AKAP5: variants seen among roughly 807,000 people sequenced by gnomAD.
The protein encoded by AKAP5 is A-kinase anchor protein 5.
In AKAP5, 5 loss-of-function variants were observed where a neutral mutation model predicts 13.8. The observed-to-expected ratio is 0.36, with a 90% confidence interval of 0.19 to 0.76. The LOEUF (loss-of-function observed/expected upper bound fraction) is 0.76. AKAP5 is among the 30% of genes least tolerant of loss of function. The pLI is 0.51. For missense variants in AKAP5, 406 were observed against 484.4 expected (o/e 0.84, Z 1.52); for synonymous variants, 148 against 167.2 (o/e 0.89, Z 0.89).
Position 64,472,618 on chromosome 14 carries a change from G to T in AKAP5, c.*2940G>T. 1 of 167,058 alleles carries T rather than the reference G, an allele frequency of 6.0e-6. No homozygotes were observed. 10.3% of individuals were successfully genotyped at this position (167,058 alleles called of 1,614,324 possible). On this transcript the variant is annotated 3_prime_UTR_variant, in exon 2 of 2. Coordinates refer to ENST00000394718, the MANE Select transcript of AKAP5 (RefSeq NM_004857.3). The stretch of plus-strand genomic sequence containing the variant: ...CTATTGAGAATATCTGTTGAATTAA[G>T]TAGGATTTCAGTTAGAAAAAGGAAT...
At position 64,468,295 on chromosome 14, in the gene AKAP5, A is replaced by C. The variant is rs1319453825; in HGVS notation, c.-100A>C. 8.6e-7 allele frequency: 1 copy of C among 1,166,726 alleles called. No individual in the cohort carries two copies. The highest frequency in any genetic ancestry group is 2.6e-5 in the East Asian group (1 of 38,926). 72.3% of individuals were successfully genotyped at this position (1,166,726 alleles called of 1,614,324 possible). On this transcript the variant is annotated 5_prime_UTR_variant, in exon 2 of 2. Transcript: ENST00000394718. ...GAAAGGTATGAATATGCCTGGAAGA[A>C]ATTTTACCTAGTGTGACATTTTTGC... is the stretch of plus-strand genomic sequence containing the variant.
At position 64,472,947 on chromosome 14, in the gene AKAP5, AAT is replaced by A. The variant is rs557350754; in HGVS notation, c.*3270_*3271del. On this transcript the variant is annotated 3_prime_UTR_variant, in exon 2 of 2. Transcript: ENST00000394718. Reference sequence around the variant, plus strand: ...TGTGGTATAAATTCTGCTTTTAATGAATGTTTATTTATTTATTAGCCAAAATT... The same window carrying A: ...TGTGGTATAAATTCTGCTTTTAATGAGTTTATTTATTTATTAGCCAAAATT... 7 of 167,118 alleles carry A rather than the reference AAT, an allele frequency of 4.2e-5. No individual in the cohort carries two copies. In the South Asian group the frequency reaches 1.5e-3, roughly 35 times the overall value. The allele number at this position is 167,118 out of a possible 1,614,324, so 10.4% of individuals were successfully genotyped here.
rs773450159 is a variant in AKAP5, at chr14:64,468,615, C to T, written c.221C>T (p.Pro74Leu). The T allele has an allele frequency of 6.2e-7, 1 of 1,613,874 alleles. No individual in the cohort carries two copies. The highest frequency in any genetic ancestry group is 1.1e-5 in the South Asian group (1 of 91,084). The part of the protein sequence containing the change: ...QEAGASDQPE[P>L]TRGAWASLKR... Reference sequence around the variant, plus strand: ...GCAGGAGCTTCTGATCAGCCAGAGCCCACACGGGGGGCCTGGGCCTCACTC... The same window carrying T: ...GCAGGAGCTTCTGATCAGCCAGAGCTCACACGGGGGGCCTGGGCCTCACTC... The change falls in exon 2 of 2, where the codon CCC becomes CTC. Residue 74 changes from proline (P) to leucine (L), a missense_variant. Physicochemically the swap from Pro to Leu is moderately conservative, Grantham distance 98 (BLOSUM62 -3). Coordinates refer to ENST00000394718, the MANE Select transcript of AKAP5 (RefSeq NM_004857.3).
rs574359550 is a variant in AKAP5, at chr14:64,469,750, TACTC to T, written c.*74_*77del. 233 of 1,123,972 alleles carry T rather than the reference TACTC, an allele frequency of 2.1e-4. No homozygotes were observed. The highest frequency in any genetic ancestry group is 1.2e-3 in the South Asian group (73 of 60,000). The allele number at this position is 1,123,972 out of a possible 1,614,324, so 69.6% of individuals were successfully genotyped here. A position where few individuals can be genotyped will look rare whatever the true frequency, so the allele number is the denominator to read the frequency against. ...TCTTTTATACATTTGTGGCATTTCT[TACTC>T]AGTAACAAATGAGAGATTTATCATC... On this transcript the variant is annotated 3_prime_UTR_variant, in exon 2 of 2. Transcript: ENST00000394718.
chr14:64,469,188 TTCC>T lies in AKAP5; in HGVS notation c.799_801del (p.Pro267del). 1 of 1,614,154 alleles carries T rather than the reference TTCC, an allele frequency of 6.2e-7. No homozygotes were observed. Among genetic ancestry groups the T allele is most frequent in the Non-Finnish European group, 8.5e-7 (1 of 1,180,042 alleles). ...CATCAGCAGCCAGTACTTTCTGATG[TTCC>T]TCCTTTACCTGCAATTCCAGATCAA... On this transcript the variant is annotated inframe_deletion, in exon 2 of 2. Transcript: ENST00000394718.
Position 64,471,081 on chromosome 14 carries a change from CTG to C in AKAP5, c.*1409_*1410del, listed in dbSNP as rs988927536. On this transcript the variant is annotated 3_prime_UTR_variant, in exon 2 of 2. Coordinates refer to ENST00000394718, the MANE Select transcript of AKAP5 (RefSeq NM_004857.3). Reference sequence around the variant, plus strand: ...TTTAAATGTCAGTATTCCTTCATGTCTGTGTGTTGAGACCAGTAAAAAGCATT... The same window carrying C: ...TTTAAATGTCAGTATTCCTTCATGTCTGTGTTGAGACCAGTAAAAAGCATT... 1.6e-4 allele frequency: 26 copies of C among 166,626 alleles called. No homozygotes were observed. Among genetic ancestry groups the C allele is most frequent in the African/African-American group, 5.3e-4 (22 of 41,362 alleles). The allele number at this position is 166,626 out of a possible 1,614,324, so 10.3% of individuals were successfully genotyped here.
rs750630280 is a variant in AKAP5, at chr14:64,473,366, G to C, written c.*3688G>C. On this transcript the variant is annotated 3_prime_UTR_variant, in exon 2 of 2. Coordinates refer to ENST00000394718, the MANE Select transcript of AKAP5 (RefSeq NM_004857.3). ...TTCAAGGTAATGTATTTGACAGCAT[G>C]AAGTTTGTGATGATCTTACTTGGTC... The C allele has an allele frequency of 1.2e-5, 2 of 167,188 alleles. No homozygotes were observed. The allele number at this position is 167,188 out of a possible 1,614,324, so 10.4% of individuals were successfully genotyped here. A position where few individuals can be genotyped will look rare whatever the true frequency, so the allele number is the denominator to read the frequency against.
chr14:64,469,366 A>G lies in AKAP5; in HGVS notation c.972A>G (p.Glu324=). ...ATTTTAAAGAAAATGGGATCACTGA[A>G]GAGAAATCCAAATCAGAAGAAAGCA... ...ESDFKENGIT[E]EKSKSEESKR... Residue 324 remains glutamate, a synonymous_variant, in exon 2 of 2, where the codon GAA becomes GAG. Transcript: ENST00000394718. 6.2e-7 allele frequency: 1 copy of G among 1,614,118 alleles called. No homozygotes were observed. The highest frequency in any genetic ancestry group is 8.5e-7 in the Non-Finnish European group (1 of 1,180,010).
rs2078632861 is a variant in AKAP5, at chr14:64,468,360, TAC to T, written c.-33_-32del. 9 of 1,535,238 alleles carry T rather than the reference TAC, an allele frequency of 5.9e-6. No individual in the cohort carries two copies. Among genetic ancestry groups the T allele is most frequent in the Non-Finnish European group, 7.9e-6 (9 of 1,143,720 alleles). ...CAAAAGGCTGCTAAGGAAGAGAGAA[TAC>T]AGTTTTCTAGAGAATAAGAGTGCAG... is the stretch of plus-strand genomic sequence containing the variant. On this transcript the variant is annotated 5_prime_UTR_variant, in exon 2 of 2. Transcript: ENST00000394718.
rs758946070 is a variant in AKAP5 at position 64,469,098 on chromosome 14, C to A, written c.704C>A (p.Thr235Lys). The change falls in exon 2 of 2, where the codon ACG becomes AAG. Residue 235 changes from threonine (T) to lysine (K), a missense_variant. Coordinates refer to ENST00000394718, the MANE Select transcript of AKAP5 (RefSeq NM_004857.3). ...TGTLILEEIE[T>K]IKEKQDVQPQ... ...ACTCTAATCCTTGAAGAAATTGAAA[C>A]GATCAAGGAAAAACAAGATGTTCAA... 2 of 1,613,796 alleles carry A rather than the reference C, an allele frequency of 1.2e-6. No homozygotes were observed. Among genetic ancestry groups the A allele is most frequent in the Non-Finnish European group, 1.7e-6 (2 of 1,179,932 alleles).
rs1290096022 is a variant in AKAP5, at chr14:64,472,322, T to G, written c.*2644T>G. 1 of 167,086 alleles carries G rather than the reference T, an allele frequency of 6.0e-6. No individual in the cohort carries two copies. The highest frequency in any genetic ancestry group is 2.4e-5 in the African/African-American group (1 of 41,442). The allele number at this position is 167,086 out of a possible 1,614,324, so 10.4% of individuals were successfully genotyped here. On this transcript the variant is annotated 3_prime_UTR_variant, in exon 2 of 2. Coordinates refer to ENST00000394718, the MANE Select transcript of AKAP5 (RefSeq NM_004857.3). ...CAAGGATGCCTCCAAGCCAATACACTTGCATTGTAAATGTTTAGTAATCTC... is the reference window on the plus strand; with the variant it reads ...CAAGGATGCCTCCAAGCCAATACACGTGCATTGTAAATGTTTAGTAATCTC...
rs1165911876 is a variant in AKAP5, at chr14:64,468,913, A to C, written c.519A>C (p.Ala173=). The C allele has an allele frequency of 4.3e-6, 7 of 1,614,198 alleles. No individual in the cohort carries two copies. In the South Asian group the frequency reaches 6.6e-5, roughly 15 times the overall value. The change falls in exon 2 of 2, where the codon GCA becomes GCC. Residue 173 remains alanine, a synonymous_variant. Coordinates refer to ENST00000394718, the MANE Select transcript of AKAP5 (RefSeq NM_004857.3). The part of the protein sequence containing the change: ...IQTQTPLNDQ[A]TKAKSTQDLS... ...CACAGACCCCATTGAATGATCAGGC[A>C]ACAAAGGCTAAGTCAACCCAGGATC... is the stretch of plus-strand genomic sequence containing the variant.
chr14:64,466,521 A>T (rs1566586007), intron 1 of AKAP5, among the ~76,000 whole-genome samples: 4 of 152,246 alleles, frequency 2.6e-5, no homozygotes, highest in Non-Finnish European at 4.4e-5. Flanking sequence ...AGATTTAAAC[A>T]GTTATCAGCT....
Position 64,468,530 on chromosome 14 carries a change from G to A in AKAP5, c.136G>A (p.Ala46Thr). 6.2e-7 allele frequency: 1 copy of A among 1,614,068 alleles called. No individual in the cohort carries two copies. The highest frequency in any genetic ancestry group is 1.1e-5 in the South Asian group (1 of 91,080). The stretch of plus-strand genomic sequence containing the variant: ...CAAGAGAAGAAAGAAAGCAGCCAAA[G>A]CACTGAAGCCCAAAGCTGGCTCTGA... ...CFKRRKKAAK[A>T]LKPKAGSEAA... The change falls in exon 2 of 2, where the codon GCA becomes ACA. Residue 46 changes from alanine to threonine, a missense_variant. By Grantham distance (58) the Ala-to-Thr change is moderately conservative. Coordinates refer to ENST00000394718, the MANE Select transcript of AKAP5 (RefSeq NM_004857.3).
At chr14:64,466,683 A>G (rs1305340720) in intron 1 of AKAP5, among the ~76,000 whole-genome samples, 1 of 152,206 alleles carries the variant, frequency 6.6e-6, no homozygotes, top group Non-Finnish European at 1.5e-5. Context: ...TTAGATCATA[A>G]ACTGATTTTC....
At position 64,469,696 on chromosome 14, in the gene AKAP5, C is replaced by G; in HGVS notation, c.*18C>G. On this transcript the variant is annotated 3_prime_UTR_variant, in exon 2 of 2. Transcript: ENST00000394718. Reference sequence around the variant, plus strand: ...TACAGTGACTTACTCTCCAGAGTCACGGCAGAAAAAACAAGCTTAATGAAG... The same window carrying G: ...TACAGTGACTTACTCTCCAGAGTCAGGGCAGAAAAAACAAGCTTAATGAAG... 1 of 1,503,492 alleles carries G rather than the reference C, an allele frequency of 6.7e-7. No homozygotes were observed. Among genetic ancestry groups the G allele is most frequent in the Non-Finnish European group, 8.9e-7 (1 of 1,124,322 alleles). 93.1% of individuals were successfully genotyped at this position (1,503,492 alleles called of 1,614,324 possible).
chr14:64,471,015 TGAATA>T lies in AKAP5; in HGVS notation c.*1341_*1345del, dbSNP rs984868349. On this transcript the variant is annotated 3_prime_UTR_variant, in exon 2 of 2. Transcript: ENST00000394718. ...GCCAAAAATGAGCCATGAATGTGGG[TGAATA>T]GAAAAGTGAAAAGTTATTGCTAAAG... The T allele has an allele frequency of 1.2e-5, 2 of 167,076 alleles. No homozygotes were observed. The highest frequency in any genetic ancestry group is 6.5e-5 in the Admixed American group (1 of 15,280). 10.3% of individuals were successfully genotyped at this position (167,076 alleles called of 1,614,324 possible).
At position 64,470,712 on chromosome 14, in the gene AKAP5, A is replaced by G. The variant is rs916742518; in HGVS notation, c.*1034A>G. 4.2e-5 allele frequency: 7 copies of G among 166,976 alleles called. No individual in the cohort carries two copies. Among genetic ancestry groups the G allele is most frequent in the East Asian group, 1.9e-4 (1 of 5,208 alleles). 10.3% of individuals were successfully genotyped at this position (166,976 alleles called of 1,614,324 possible). ...TTCCCCCGCTTTTCTTTCTGCCTCA[A>G]CAGATCTGTATATATCCATTTCTGC... On this transcript the variant is annotated 3_prime_UTR_variant, in exon 2 of 2. Transcript: ENST00000394718.
In AKAP5 at chr14:64,468,523, A is replaced by G; in HGVS notation, c.129A>G (p.Ala43=). The G allele has an allele frequency of 6.2e-7, 1 of 1,614,124 alleles. No individual in the cohort carries two copies. The highest frequency in any genetic ancestry group is 2.2e-5 in the East Asian group (1 of 44,894). ...TTTGCTTCAAGAGAAGAAAGAAAGC[A>G]GCCAAAGCACTGAAGCCCAAAGCTG... is the stretch of plus-strand genomic sequence containing the variant. The part of the protein sequence containing the change: ...SMLCFKRRKK[A]AKALKPKAGS... The change falls in exon 2 of 2, where the codon GCA becomes GCG. Residue 43 remains alanine (A), a synonymous_variant. Coordinates refer to ENST00000394718, the MANE Select transcript of AKAP5 (RefSeq NM_004857.3).
Sources: allele counts gnomAD v4.1 joint callset (sites outside exome capture counted in the v4.1 genomes callset), GRCh38; gene constraint gnomAD v4.1.1; transcripts MANE v1.5; gene names NCBI Gene and HGNC (gene_info 2026-07-23, HGNC 2026-07-21).